OR9Q1: variants seen among roughly 807,000 people sequenced by gnomAD.
OR9Q1 encodes olfactory receptor family 9 subfamily Q member 1, also known as olfactory receptor 9Q1.
For synonymous variants in OR9Q1, 153 were observed against 148.6 expected (o/e 1.03, Z -0.22); for missense variants, 374 against 378.8 (o/e 0.99, Z 0.11).
At chr11:58,089,272 G>C (rs1362522941) in intron 2 of OR9Q1, among the ~76,000 whole-genome samples, 1 of 151,746 alleles carries the variant, frequency 6.6e-6, no homozygotes, top group African/African-American at 2.4e-5. Flanking sequence ...GGTTTTTATG[G>C]TTTTGGGTTT....
chr11:58,125,336 C>G (rs1027714281), intron 2 of OR9Q1: 2 of 146,928 alleles, frequency 1.4e-5, no homozygotes, highest in African/African-American at 5.0e-5. Context: ...ATGACAACTT[C>G]TGATGACAAA....
intron 2 of OR9Q1, among the ~76,000 whole-genome samples, chr11:58,099,978 T>C (rs1853768013): frequency 6.6e-6 from 1 of 152,212 alleles, no homozygotes; most frequent in Admixed American, 6.5e-5. Flanking sequence ...CACACACTTA[T>C]TGACTCGTAA....
At chr11:58,029,432 T>C (rs570206880) in intron 1 of OR9Q1, among the ~76,000 whole-genome samples, 2 of 152,282 alleles carry the variant, frequency 1.3e-5, no homozygotes, top group Admixed American at 6.5e-5. Context: ...TTCCCCCTTA[T>C]TCTGTTGTTA....
chr11:58,163,052 A>C (rs1158043356), intron 2 of OR9Q1, among the ~76,000 whole-genome samples: 1 of 152,224 alleles, frequency 6.6e-6, no homozygotes. Context: ...CAATAAGTAC[A>C]TCATATGTTA....
chr11:58,110,289 C>T (rs1313362283), intron 2 of OR9Q1, among the ~76,000 whole-genome samples: 1 of 152,114 alleles, frequency 6.6e-6, no homozygotes, highest in Non-Finnish European at 1.5e-5. Context: ...AGTGGTAATG[C>T]CCACTTTTAT....
At chr11:58,148,093 T>A (rs2443431) in intron 2 of OR9Q1, among the ~76,000 whole-genome samples, 16 of 152,266 alleles carry the variant, frequency 1.1e-4, no homozygotes, top group African/African-American at 3.6e-4. Flanking sequence ...CCCATTAAAA[T>A]CAATTCACCA....
intron 2 of OR9Q1, among the ~76,000 whole-genome samples, chr11:58,122,354 C>G (rs1854042015): frequency 6.6e-6 from 1 of 152,208 alleles, no homozygotes; most frequent in East Asian, 1.9e-4. Flanking sequence ...TGGTATGGTT[C>G]AAGCTCTGTG....
At chr11:58,100,816 T>G (rs1853776745) in intron 2 of OR9Q1, among the ~76,000 whole-genome samples, 1 of 152,198 alleles carries the variant, frequency 6.6e-6, no homozygotes, top group Admixed American at 6.5e-5. Context: ...CAACGGAATT[T>G]TATATGGCTG....
chr11:58,124,969 T>C (rs889127315), intron 2 of OR9Q1, among the ~76,000 whole-genome samples: 3 of 152,184 alleles, frequency 2.0e-5, no homozygotes, highest in African/African-American at 7.2e-5. Flanking sequence ...AATAGTTAAG[T>C]ACCTTGTCCA....
intron 2 of OR9Q1, among the ~76,000 whole-genome samples, chr11:58,080,424 G>C (rs1324859046): frequency 5.3e-5 from 8 of 152,078 alleles, no homozygotes; most frequent in Non-Finnish European, 1.2e-4. Context: ...TCCTGTCTTT[G>C]TATTGTGCAT....
At chr11:58,086,053 A>T (rs1853630893) in intron 2 of OR9Q1, among the ~76,000 whole-genome samples, 1 of 151,934 alleles carries the variant, frequency 6.6e-6, no homozygotes, top group South Asian at 2.1e-4. Context: ...AATCATGCAC[A>T]CTAATGCCTT....
At chr11:58,178,883 TTA>T (rs1029184089) in intron 2 of OR9Q1, among the ~76,000 whole-genome samples, 4 of 145,910 alleles carry the variant, frequency 2.7e-5, no homozygotes, top group African/African-American at 7.5e-5. Context: ...TATGTATATA[TTA>T]TATATATATT....
intron 2 of OR9Q1, among the ~76,000 whole-genome samples, chr11:58,142,118 T>C (rs1590612507): frequency 6.6e-6 from 1 of 152,324 alleles, no homozygotes; most frequent in East Asian, 1.9e-4. Flanking sequence ...GTCTTTTTGA[T>C]GGTCTTAATA....
At chr11:58,107,455 G>T (rs1201367025) in intron 2 of OR9Q1, among the ~76,000 whole-genome samples, 1 of 152,108 alleles carries the variant, frequency 6.6e-6, no homozygotes, top group Non-Finnish European at 1.5e-5. Flanking sequence ...CCTTTTTTAT[G>T]GCTGCATAGT....
At chr11:58,122,667 C>T (rs1854046126) in intron 2 of OR9Q1, among the ~76,000 whole-genome samples, 1 of 152,062 alleles carries the variant, frequency 6.6e-6, no homozygotes, top group Admixed American at 6.6e-5. Context: ...CCTGATAAAC[C>T]ATCATCATTG....
chr11:58,178,292 A>G (rs572679546), intron 2 of OR9Q1, among the ~76,000 whole-genome samples: 1 of 152,326 alleles, frequency 6.6e-6, no homozygotes, highest in African/African-American at 2.4e-5. Flanking sequence ...AAGGTGGTGG[A>G]CATCTAGTTA....
At chr11:58,170,760 T>C (rs1013924241) in intron 2 of OR9Q1, among the ~76,000 whole-genome samples, 8 of 152,294 alleles carry the variant, frequency 5.3e-5, no homozygotes, top group African/African-American at 1.9e-4. Flanking sequence ...ATGTAAGATG[T>C]GCCTTTCACC....
intron 1 of OR9Q1, among the ~76,000 whole-genome samples, chr11:58,025,420 T>A (rs1425523737): frequency 6.6e-6 from 1 of 152,228 alleles, no homozygotes; most frequent in African/African-American, 2.4e-5. Flanking sequence ...CAGGATGGTC[T>A]TGATTTCTTG....
intron 2 of OR9Q1, among the ~76,000 whole-genome samples, chr11:58,092,209 C>T (rs1853691050): frequency 1.3e-5 from 2 of 152,044 alleles, no homozygotes; most frequent in Non-Finnish European, 2.9e-5. Context: ...GGTTATTTTG[C>T]ACATTAGTTA....
Sources: allele counts gnomAD v4.1 joint callset (sites outside exome capture counted in the v4.1 genomes callset), GRCh38; gene constraint gnomAD v4.1.1; transcripts MANE v1.5; gene names NCBI Gene and HGNC (gene_info 2026-07-23, HGNC 2026-07-21).